NR5A2: variants seen among roughly 807,000 people sequenced by gnomAD.
NR5A2 encodes the protein nuclear receptor subfamily 5 group A member 2.
Under a neutral mutation model 62.7 loss-of-function variants are expected in NR5A2, and 26 were observed. That is an observed-to-expected ratio of 0.41 (90% CI 0.30 to 0.58). The LOEUF is 0.58. Ranked by LOEUF, NR5A2 falls within the 20% of genes least tolerant of loss-of-function variation. The pLI is 0.22. For missense variants in NR5A2, 541 were observed against 669.1 expected, an observed-to-expected ratio of 0.81 and a Z score of 2.11; for synonymous variants, 246 against 241.7, an observed-to-expected ratio of 1.02 and a Z score of -0.16.
intron 5 of NR5A2, among the ~76,000 whole-genome samples, chr1:200,086,810 G>A (rs887300680): frequency 7.9e-5 from 12 of 152,080 alleles, no homozygotes; most frequent in East Asian, 5.8e-4. Context: ...CGGCCAAGGC[G>A]GCTAGATCAA....
rs559374875 is a variant in NR5A2, at chr1:200,060,518, G to C, written c.1110+11700G>C. Among the ~76,000 whole-genome samples, 7 of 152,286 alleles carry C rather than the reference G, an allele frequency of 4.6e-5. No homozygotes were observed. In the South Asian group the frequency reaches 1.5e-3, roughly 32 times the overall value. The stretch of plus-strand genomic sequence containing the variant: ...GGCAGGAGAGGTTACTGAGGCTGCA[G>C]GCTTAGCAAGGTGAGTATGCATGGA... On this transcript the variant is annotated intron_variant, in intron 5 of 7. Coordinates refer to ENST00000367362, the MANE Select transcript of NR5A2 (RefSeq NM_205860.3).
In NR5A2 at chr1:200,176,578, G is replaced by C. The variant is rs916182446; in HGVS notation, c.*2368G>C. On this transcript the variant is annotated 3_prime_UTR_variant, in exon 8 of 8. Transcript: ENST00000367362. ...GGTTCTATCATGCATGTGTAATGTG[G>C]ATGGAGACAATTATAAGATTTGACT... The C allele has an allele frequency of 6.6e-6, 1 of 152,324 alleles. No homozygotes were observed. Among genetic ancestry groups the C allele is most frequent in the East Asian group, 1.9e-4 (1 of 5,186 alleles). The allele number at this position is 152,324 out of a possible 1,614,324, so 9.4% of individuals were successfully genotyped here.
chr1:200,157,159 C>G (rs1245945558), intron 7 of NR5A2, among the ~76,000 whole-genome samples: 2 of 152,162 alleles, frequency 1.3e-5, no homozygotes, highest in Admixed American at 1.3e-4. Context: ...GTGGTAATTC[C>G]TATTAAAACA....
At chr1:200,040,885 G>A (rs778343738) in intron 2 of NR5A2, among the ~76,000 whole-genome samples, 1 of 152,252 alleles carries the variant, frequency 6.6e-6, no homozygotes, top group Non-Finnish European at 1.5e-5. Context: ...TGCGCCGTGC[G>A]GGTTGTGATC....
intron 5 of NR5A2, among the ~76,000 whole-genome samples, chr1:200,064,288 G>T (rs1353337362): frequency 2.6e-5 from 4 of 152,160 alleles, no homozygotes; most frequent in African/African-American, 9.7e-5. Flanking sequence ...GAAATCTTGT[G>T]CAAGTACTTG....
chr1:200,132,705 T>C (rs919353399), intron 7 of NR5A2, among the ~76,000 whole-genome samples: 1 of 152,186 alleles, frequency 6.6e-6, no homozygotes, highest in African/African-American at 2.4e-5. Context: ...CAAGTAAGAA[T>C]GCCATGTGCT....
chr1:200,173,646 A>G (rs1654285478), intron 7 of NR5A2, among the ~76,000 whole-genome samples: 2 of 152,226 alleles, frequency 1.3e-5, no homozygotes, highest in Admixed American at 1.3e-4. Flanking sequence ...CTGGCAATAT[A>G]TTAAGATCCC....
intron 5 of NR5A2, among the ~76,000 whole-genome samples, chr1:200,086,353 G>A (rs944216834): frequency 2.0e-5 from 3 of 152,022 alleles, no homozygotes; most frequent in African/African-American, 7.3e-5. Flanking sequence ...GCCCAGGCTG[G>A]AGTGCAGTGG....
rs1207145323 is a variant in NR5A2 at position 200,112,763 on chromosome 1, C to T, written c.1230+1442C>T. 2.0e-5 allele frequency among the ~76,000 whole-genome samples: 3 copies of T among 152,124 alleles called. No individual in the cohort carries two copies. In the East Asian group the frequency reaches 5.8e-4, roughly 29 times the overall value. On this transcript the variant is annotated intron_variant, in intron 6 of 7. Transcript: ENST00000367362. The stretch of plus-strand genomic sequence containing the variant: ...TTTTTGGCATTTTCATTCTGGGACC[C>T]AAGTCTTTGGAGAAAATGTACCCAT...
chr1:200,173,429 T>A (rs1460045927), intron 7 of NR5A2, among the ~76,000 whole-genome samples: 1 of 152,248 alleles, frequency 6.6e-6, no homozygotes, highest in Non-Finnish European at 1.5e-5. Context: ...ACCAGATGGT[T>A]CATTAGCATA....
In NR5A2 at chr1:200,158,901, C is replaced by CTT. The variant is rs111640682; in HGVS notation, c.1379-15050_1379-15049dup. Among the ~76,000 whole-genome samples the CTT allele has an allele frequency of 4.8e-3, 703 of 144,996 alleles. 12 individuals are homozygous for CTT. The highest frequency in any genetic ancestry group is 0.016 in the African/African-American group (633 of 39,446). ...TGACCTGACCTTAATATGTTTGATTCTTTTTTTTTTTTTCCTAATAGGGAC... is the reference window on the plus strand; with the variant it reads ...TGACCTGACCTTAATATGTTTGATTCTTTTTTTTTTTTTTTCCTAATAGGGAC... On this transcript the variant is annotated intron_variant, in intron 7 of 7. Coordinates refer to ENST00000367362, the MANE Select transcript of NR5A2 (RefSeq NM_205860.3).
In NR5A2 at chr1:200,081,338, T is replaced by G. The variant is rs559855695; in HGVS notation, c.1111-29864T>G. ...TGTTTGAAAAGTTACCAACTTTATT[T>G]CAGTCCTATTTCCCTTCCTCTGTGG... On this transcript the variant is annotated intron_variant, in intron 5 of 7. Coordinates refer to ENST00000367362, the MANE Select transcript of NR5A2 (RefSeq NM_205860.3). 2.6e-5 allele frequency among the ~76,000 whole-genome samples: 4 copies of G among 152,368 alleles called. No homozygotes were observed. The South Asian group carries it at 8.3e-4, about 32-fold the overall frequency.
At chr1:200,060,276 G>A (rs1663141545) in intron 5 of NR5A2, among the ~76,000 whole-genome samples, 1 of 152,082 alleles carries the variant, frequency 6.6e-6, no homozygotes, top group Non-Finnish European at 1.5e-5. Context: ...TACCCTTCAG[G>A]TGAAATGTGG....
intron 5 of NR5A2, among the ~76,000 whole-genome samples, chr1:200,059,084 T>G (rs1296217127): frequency 6.6e-6 from 1 of 152,018 alleles, no homozygotes; most frequent in Non-Finnish European, 1.5e-5. Flanking sequence ...CACTCCAGCC[T>G]GGGCGGCAGA....
intron 7 of NR5A2, among the ~76,000 whole-genome samples, chr1:200,162,982 A>C (rs566134879): frequency 6.6e-6 from 1 of 152,320 alleles, no homozygotes. Flanking sequence ...TATATGCTGC[A>C]GTCTTCCACA....
chr1:200,151,492 G>A (rs1653117939), intron 7 of NR5A2, among the ~76,000 whole-genome samples: 1 of 152,214 alleles, frequency 6.6e-6, no homozygotes, highest in Non-Finnish European at 1.5e-5. Context: ...GCCCCCCGCT[G>A]CAAGAGCACA....
intron 5 of NR5A2, among the ~76,000 whole-genome samples, chr1:200,086,603 G>T (rs887352882): frequency 1.3e-5 from 2 of 152,144 alleles, no homozygotes; most frequent in Non-Finnish European, 2.9e-5. Context: ...GCGCCGGCCT[G>T]ACTTCTGGAA....
In NR5A2 at chr1:200,133,526, T is replaced by TATATATATATATATAC. The variant is rs1416690757; in HGVS notation, c.1378+12572_1378+12573insTATATATATATATACA. On this transcript the variant is annotated intron_variant, in intron 7 of 7. Transcript: ENST00000367362. The stretch of plus-strand genomic sequence containing the variant: ...TGGACTATATATATATATATATATA[T>TATATATATATATATAC]ACACACACATATATATATATACACA... Among the ~76,000 whole-genome samples, 10 of 87,412 alleles carry TATATATATATATATAC rather than the reference T, an allele frequency of 1.1e-4. No individual in the cohort carries two copies. The East Asian group carries it at 1.5e-3, about 13-fold the overall frequency. 57.3% of individuals were successfully genotyped at this position (87,412 alleles called of 152,430 possible).
intron 5 of NR5A2, among the ~76,000 whole-genome samples, chr1:200,064,462 C>T (rs955734867): frequency 6.6e-6 from 1 of 152,158 alleles, no homozygotes; most frequent in South Asian, 2.1e-4. Context: ...AATACAGAGG[C>T]TTTGGCATAG....
Sources: allele counts gnomAD v4.1 joint callset (sites outside exome capture counted in the v4.1 genomes callset), GRCh38; gene constraint gnomAD v4.1.1; transcripts MANE v1.5; gene names NCBI Gene and HGNC (gene_info 2026-07-23, HGNC 2026-07-21).